FBXW11: variants seen among roughly 807,000 people sequenced by gnomAD.
The protein encoded by FBXW11 is F-box/WD repeat-containing protein 11.
A neutral mutation model predicts 77.6 loss-of-function variants in FBXW11; 19 were observed. The observed-to-expected ratio is 0.24, with a 90% CI of 0.17 to 0.36. The LOEUF is 0.36. Ranked by LOEUF, FBXW11 falls within the 10% of genes least tolerant of loss-of-function variation. The probability of loss-of-function intolerance (pLI) is 1.00; values close to 1 mark genes in which losing one functional copy is unlikely to be tolerated. For synonymous variants in FBXW11, 235 were observed against 249.4 expected (o/e 0.94, Z 0.54); for missense variants, 334 against 704.2 (o/e 0.47, Z 5.95).
intron 1 of FBXW11, among the ~76,000 whole-genome samples, chr5:171,984,381 G>A (rs148491078): frequency 0.016 from 2,400 of 152,222 alleles, 20 homozygotes; most frequent in Non-Finnish European, 0.026. Flanking sequence ...CTCCAAAGCC[G>A]GAAGCTTATT....
chr5:171,950,780 A>C (rs931592729), intron 2 of FBXW11, among the ~76,000 whole-genome samples: 4 of 152,128 alleles, frequency 2.6e-5, no homozygotes, highest in African/African-American at 9.7e-5. Context: ...CCACCTATTC[A>C]GGAGGCTGAG....
intron 2 of FBXW11, among the ~76,000 whole-genome samples, chr5:171,930,244 A>G (rs922831061): frequency 6.6e-6 from 1 of 152,248 alleles, no homozygotes; most frequent in African/African-American, 2.4e-5. Flanking sequence ...AAAGGAGTGT[A>G]CAAACAAAAG....
At chr5:171,889,977 C>T (rs989242721) in intron 7 of FBXW11, among the ~76,000 whole-genome samples, 5 of 151,792 alleles carry the variant, frequency 3.3e-5, no homozygotes, top group African/African-American at 1.2e-4. Flanking sequence ...TAGCAAAGGA[C>T]GTATCTAGAC....
chr5:171,960,725 AATG>A (rs1471448709), intron 1 of FBXW11, among the ~76,000 whole-genome samples: 1 of 152,246 alleles, frequency 6.6e-6, no homozygotes, highest in Non-Finnish European at 1.5e-5. Context: ...TTAGAAAAAC[AATG>A]ATATTATCAA....
chr5:171,994,577 T>G (rs980716099), intron 1 of FBXW11, among the ~76,000 whole-genome samples: 1 of 152,170 alleles, frequency 6.6e-6, no homozygotes, highest in African/African-American at 2.4e-5. Flanking sequence ...CCCAAGCATT[T>G]TAGACAAGGG....
At chr5:171,926,306 A>G (rs909044442) in intron 2 of FBXW11, among the ~76,000 whole-genome samples, 1 of 152,238 alleles carries the variant, frequency 6.6e-6, no homozygotes, top group African/African-American at 2.4e-5. Context: ...AACTGAGGTG[A>G]AAACAGGGCC....
At chr5:171,968,120 T>C (rs531079353) in intron 1 of FBXW11, among the ~76,000 whole-genome samples, 3 of 152,034 alleles carry the variant, frequency 2.0e-5, no homozygotes, top group Non-Finnish European at 4.4e-5. Context: ...TAGTAGACCA[T>C]TCTCCTAATG....
chr5:171,913,441 G>A (rs1043709140), intron 3 of FBXW11, among the ~76,000 whole-genome samples: 78 of 152,118 alleles, frequency 5.1e-4, no homozygotes, highest in African/African-American at 1.8e-3. Flanking sequence ...AATAATAAAC[G>A]TGGAGGGTAC....
chr5:171,936,109 T>TAAAAAAAA (rs61349170), intron 2 of FBXW11, among the ~76,000 whole-genome samples: 1 of 59,352 alleles, frequency 1.7e-5, no homozygotes, highest in East Asian at 4.5e-4. Context: ...AGACTCCATC[T>TAAAAAAAA]AAAAAAAAAA....
rs1442512474 is a variant in FBXW11, at chr5:171,904,891, G to A, written c.437-4791C>T. ...AGCCAGGAATCTGTATTTTTAAGAA[G>A]TGCCACTAGATAATGCTGAAGTATT... On this transcript the variant is annotated intron_variant, in intron 4 of 13. Transcript: ENST00000517395. This position sits in a 1 kb window ranked among gnomAD's most constrained non-coding sequence, Gnocchi z 4.0. Among the ~76,000 whole-genome samples the A allele has an allele frequency of 4.6e-5, 7 of 152,002 alleles. No individual in the cohort carries two copies. The East Asian group carries it at 1.3e-3, about 29-fold the overall frequency.
chr5:171,907,095 A>C (rs1760578701), intron 4 of FBXW11, among the ~76,000 whole-genome samples: 1 of 152,312 alleles, frequency 6.6e-6, no homozygotes, highest in East Asian at 1.9e-4. Flanking sequence ...ACAAACCGCA[A>C]ACTCAGCCTG....
intron 6 of FBXW11, among the ~76,000 whole-genome samples, chr5:171,898,476 T>A (rs1419524322): frequency 6.6e-6 from 1 of 152,234 alleles, no homozygotes; most frequent in African/African-American, 2.4e-5. Flanking sequence ...TCATCAAGTT[T>A]ACAGAGTTTT....
At chr5:171,940,749 G>C (rs562814753) in intron 2 of FBXW11, among the ~76,000 whole-genome samples, 2 of 151,996 alleles carry the variant, frequency 1.3e-5, no homozygotes, top group Non-Finnish European at 2.9e-5. Flanking sequence ...TTAGCCAGGC[G>C]TGGTAGCACA....
intron 7 of FBXW11, among the ~76,000 whole-genome samples, chr5:171,885,768 G>C (rs1758836956): frequency 1.3e-5 from 2 of 152,158 alleles, no homozygotes; most frequent in South Asian, 4.1e-4. Context: ...AATTTGTAGT[G>C]ACTCTACAGT....
At chr5:171,934,076 G>A (rs1464564123) in intron 2 of FBXW11, among the ~76,000 whole-genome samples, 2 of 152,188 alleles carry the variant, frequency 1.3e-5, no homozygotes, top group Non-Finnish European at 2.9e-5. Context: ...TTCCTGTCAT[G>A]TATGAGAGAC....
At chr5:171,991,549 C>G (rs1000661062) in intron 1 of FBXW11, among the ~76,000 whole-genome samples, 6 of 152,178 alleles carry the variant, frequency 3.9e-5, no homozygotes, top group African/African-American at 1.4e-4. Context: ...CTAAAACGCA[C>G]TCAGGACTCA....
At chr5:171,877,078 G>C (rs1018098780) in intron 8 of FBXW11, among the ~76,000 whole-genome samples, 14 of 152,178 alleles carry the variant, frequency 9.2e-5, no homozygotes, top group African/African-American at 3.1e-4. Flanking sequence ...GATTAAAAGG[G>C]GCCCCTAAAA....
rs756250547 is a variant in FBXW11, at chr5:171,876,002, C to T, written c.1221+283G>A. Among the ~76,000 whole-genome samples, 2 of 152,158 alleles carry T rather than the reference C, an allele frequency of 1.3e-5. No homozygotes were observed. The highest frequency in any genetic ancestry group is 2.9e-5 in the Non-Finnish European group (2 of 68,034). ...TGAGACCATAATGTAAAGCTCCCAA[C>T]ACACAATACATGATCAACACGTTAG... On this transcript the variant is annotated intron_variant, in intron 9 of 13. Coordinates refer to ENST00000517395, the MANE Select transcript of FBXW11 (RefSeq NM_001378974.1). The surrounding 1 kb of genome is among the most constrained non-coding windows in gnomAD (Gnocchi z 4.2).
chr5:172,006,398 G>C (rs920436978), intron 1 of FBXW11, 60 bp downstream of exon 1: 1 of 1,454,218 alleles, frequency 6.9e-7, no homozygotes, highest in African/African-American at 1.5e-5. Context: ...CGTTGAGGTG[G>C]GCAGGCCCGC....
Sources: gnomAD v4.1 joint callset for allele counts (sites outside exome capture counted in the v4.1 genomes callset) on GRCh38, gnomAD v4.1.1 for gene constraint, Gnocchi (gnomAD v3.1) non-coding constraint, MANE v1.5 for transcripts, NCBI Gene and HGNC (gene_info 2026-07-23, HGNC 2026-07-21) for gene names.